Variants in PTPRD observed in about 807,000 individuals in gnomAD.
PTPRD encodes the protein receptor-type tyrosine-protein phosphatase delta.
A neutral mutation model predicts 214.5 loss-of-function variants in PTPRD; 34 were observed. The ratio of observed to expected loss-of-function variants is 0.16; its 90% CI spans 0.12 to 0.21. The LOEUF (loss-of-function observed/expected upper bound fraction) is 0.21. PTPRD is among the 10% of genes least tolerant of loss of function. PTPRD has a pLI of 1.00. For missense variants in PTPRD, 2,545 were observed against 2,398.7 expected, an observed-to-expected ratio of 1.06 and a Z score of -1.27; for synonymous variants, 1,128 against 845.7, an observed-to-expected ratio of 1.33 and a Z score of -5.79.
intron 11 of PTPRD, among the ~76,000 whole-genome samples, chr9:9,003,843 T>C (rs2099437563): frequency 6.6e-6 from 1 of 152,066 alleles, no homozygotes; most frequent in African/African-American, 2.4e-5. Context: ...TCGCAATCTG[T>C]AAATGCCTGA....
chr9:9,811,726 G>C (rs922853829), intron 5 of PTPRD, among the ~76,000 whole-genome samples: 2 of 151,924 alleles, frequency 1.3e-5, no homozygotes, highest in Admixed American at 6.6e-5. Flanking sequence ...ACAAAAAATG[G>C]TTTATTGCAG....
At chr9:10,171,983 A>G (rs1233488554) in intron 3 of PTPRD, among the ~76,000 whole-genome samples, 2 of 152,194 alleles carry the variant, frequency 1.3e-5, no homozygotes, top group Non-Finnish European at 2.9e-5. Context: ...TATTTCAAGG[A>G]GCCAAATGAT....
intron 8 of PTPRD, among the ~76,000 whole-genome samples, chr9:9,567,062 G>T (rs2154297115): frequency 6.6e-6 from 1 of 152,116 alleles, no homozygotes; most frequent in Admixed American, 6.6e-5. Flanking sequence ...CAGTCTAATG[G>T]AAATATGTTG....
rs529536396 is a variant in PTPRD, at chr9:8,470,878, C to T, written c.3504+117G>A. The T allele has an allele frequency of 1.8e-4, 151 of 828,022 alleles. No homozygotes were observed. In the African/African-American group the frequency reaches 2.3e-3, roughly 12 times the overall value. 51.3% of individuals were successfully genotyped at this position (828,022 alleles called of 1,614,324 possible). On this transcript the variant is annotated intron_variant, in intron 31 of 45. Transcript: ENST00000381196. ...CCATAGCACTGAACCATCCAACCAGCTAGGTATGGAGAAGCCAGCACCCAG... is the reference window on the plus strand; with the variant it reads ...CCATAGCACTGAACCATCCAACCAGTTAGGTATGGAGAAGCCAGCACCCAG...
intron 35 of PTPRD, among the ~76,000 whole-genome samples, chr9:8,430,029 C>G (rs1398931434): frequency 6.6e-6 from 1 of 152,088 alleles, no homozygotes; most frequent in Non-Finnish European, 1.5e-5. Context: ...TGTAAGTGAG[C>G]TGACAGGAAC....
intron 10 of PTPRD, among the ~76,000 whole-genome samples, chr9:9,139,061 G>A (rs1198856365): frequency 6.6e-6 from 1 of 151,902 alleles, no homozygotes; most frequent in East Asian, 1.9e-4. Flanking sequence ...TCCAAATTTG[G>A]GTATCATCTA....
intron 4 of PTPRD, among the ~76,000 whole-genome samples, chr9:9,960,893 A>T (rs1324753740): frequency 6.6e-6 from 1 of 152,114 alleles, no homozygotes; most frequent in African/African-American, 2.4e-5. Flanking sequence ...ATGGGAGAAA[A>T]TTTTTGCAAT....
Position 8,316,672 on chromosome 9 carries a change from C to T in PTPRD, c.*1202G>A. ...TAGAAATATTGAACTTTGTTGGAAG[C>T]CTGACTAACAAACAAACAAAACAAT... is the stretch of plus-strand genomic sequence containing the variant. On this transcript the variant is annotated 3_prime_UTR_variant, in exon 46 of 46. Coordinates refer to ENST00000381196, the MANE Select transcript of PTPRD (RefSeq NM_002839.4). 4.3e-6 allele frequency: 1 copy of T among 230,654 alleles called. No individual in the cohort carries two copies. Among genetic ancestry groups the T allele is most frequent in the Non-Finnish European group, 8.6e-6 (1 of 116,310 alleles). The allele number at this position is 230,654 out of a possible 1,614,324, so 14.3% of individuals were successfully genotyped here.
chr9:10,575,440 T>C (rs1232130204), intron 2 of PTPRD, among the ~76,000 whole-genome samples: 1 of 152,182 alleles, frequency 6.6e-6, no homozygotes. Context: ...TTTTTAGTCA[T>C]GATCTAAAGT....
At chr9:9,425,844 G>T (rs1261205828) in intron 8 of PTPRD, among the ~76,000 whole-genome samples, 1 of 152,010 alleles carries the variant, frequency 6.6e-6, no homozygotes, top group Non-Finnish European at 1.5e-5. Context: ...AAATAGTGTT[G>T]AGTTGATTTT....
intron 9 of PTPRD, among the ~76,000 whole-genome samples, chr9:9,287,502 AG>A (rs1312762780): frequency 6.6e-6 from 1 of 151,848 alleles, no homozygotes; most frequent in Non-Finnish European, 1.5e-5. Context: ...GTGGCCACAG[AG>A]TAGGAAATTA....
At chr9:10,242,123 T>C (rs1375658990) in intron 3 of PTPRD, among the ~76,000 whole-genome samples, 1 of 151,850 alleles carries the variant, frequency 6.6e-6, no homozygotes, top group Non-Finnish European at 1.5e-5. Context: ...CTATAAAAGG[T>C]ATGTGATCAA....
At chr9:8,831,108 G>A (rs1378658840) in intron 11 of PTPRD, among the ~76,000 whole-genome samples, 1 of 152,126 alleles carries the variant, frequency 6.6e-6, no homozygotes, top group Non-Finnish European at 1.5e-5. Flanking sequence ...ACACTTCGCA[G>A]ACAAGATGAC....
chr9:10,527,451 G>A (rs1590110509), intron 2 of PTPRD, among the ~76,000 whole-genome samples: 1 of 152,112 alleles, frequency 6.6e-6, no homozygotes. Flanking sequence ...GAATAAAAGC[G>A]TAAGCTAATT....
intron 31 of PTPRD, among the ~76,000 whole-genome samples, 183 bp downstream of exon 31, chr9:8,470,812 A>G (rs527774775): frequency 2.6e-5 from 4 of 152,280 alleles, no homozygotes; most frequent in African/African-American, 9.6e-5. Flanking sequence ...TTTTAATTAA[A>G]GCCAAAGGAT....
chr9:8,902,571 C>T (rs1368195992), intron 11 of PTPRD, among the ~76,000 whole-genome samples: 1 of 151,992 alleles, frequency 6.6e-6, no homozygotes, highest in Non-Finnish European at 1.5e-5. Context: ...TGTTGAATTC[C>T]TCATCTCAAG....
At chr9:8,828,672 T>A (rs1331303201) in intron 11 of PTPRD, among the ~76,000 whole-genome samples, 3 of 152,204 alleles carry the variant, frequency 2.0e-5, no homozygotes, top group Admixed American at 6.5e-5. Flanking sequence ...GAACTAGTTA[T>A]CAAAAAGTGA....
intron 8 of PTPRD, among the ~76,000 whole-genome samples, chr9:9,499,453 T>A (rs1167392195): frequency 1.3e-5 from 2 of 152,150 alleles, no homozygotes; most frequent in East Asian, 3.9e-4. Context: ...AATGGAAATC[T>A]ATTGTTATTA....
At chr9:9,929,455 G>A (rs937455266) in intron 5 of PTPRD, among the ~76,000 whole-genome samples, 9 of 152,144 alleles carry the variant, frequency 5.9e-5, no homozygotes, top group Non-Finnish European at 1.2e-4. Flanking sequence ...GTGCAGTGGC[G>A]TGATCTTGTC....
Sources: gnomAD v4.1 joint callset for allele counts (sites outside exome capture counted in the v4.1 genomes callset) on GRCh38, gnomAD v4.1.1 for gene constraint, MANE v1.5 for transcripts, NCBI Gene and HGNC (gene_info 2026-07-23, HGNC 2026-07-21) for gene names.